The following LGSN variants were observed in gnomAD, a reference collection of about 807,000 sequenced individuals.
LGSN encodes the protein lengsin.
Under a neutral mutation model 19.5 loss-of-function variants are expected in LGSN, and 21 were observed. The observed-to-expected ratio is 1.07, with a 90% CI of 0.76 to 1.55. The LOEUF (loss-of-function observed/expected upper bound fraction) is 1.55. Ranked by LOEUF, LGSN falls within the 40% of genes most tolerant of loss-of-function variation. LGSN has a pLI of 0.00. For synonymous variants in LGSN, 257 were observed against 215.6 expected, an observed-to-expected ratio of 1.19 and a Z score of -1.68; for missense variants, 673 against 608.5, an observed-to-expected ratio of 1.11 and a Z score of -1.12.
At chr6:63,522,052 T>A in the LGSN span, among the ~76,000 whole-genome samples, 1 of 152,202 alleles carries the variant, frequency 6.6e-6, no homozygotes, top group African/African-American at 2.4e-5. Flanking sequence ...TCCCACAGGC[T>A]TTGCCAGATA....
chr6:63,433,697 C>T, the LGSN span, among the ~76,000 whole-genome samples: 2 of 152,240 alleles, frequency 1.3e-5, no homozygotes, highest in Non-Finnish European at 2.9e-5. Flanking sequence ...AAAACACTCT[C>T]TCTTCAAAGT....
the LGSN span, chr6:63,549,588 T>A: frequency 1.7e-6 from 1 of 600,302 alleles, no homozygotes; most frequent in South Asian, 2.1e-5. Context: ...AAAGAAAACC[T>A]TTATGTGATA....
the LGSN span, among the ~76,000 whole-genome samples, chr6:63,436,586 C>A: frequency 0.015 from 2,331 of 152,266 alleles, 17 homozygotes; most frequent in South Asian, 0.031. Context: ...CTTCATAGAA[C>A]CCTGCCTGTC....
the LGSN span, among the ~76,000 whole-genome samples, chr6:63,478,126 G>T: frequency 6.6e-6 from 1 of 152,226 alleles, no homozygotes; most frequent in South Asian, 2.1e-4. Context: ...ATACTGTAAA[G>T]ATTTATGGAG....
At chr6:63,478,900 C>T in the LGSN span, among the ~76,000 whole-genome samples, 1 of 152,210 alleles carries the variant, frequency 6.6e-6, no homozygotes, top group Non-Finnish European at 1.5e-5. Context: ...TCAGCTTATT[C>T]CAAGGTTTAC....
At chr6:63,369,958 G>A in the LGSN span, among the ~76,000 whole-genome samples, 1 of 152,050 alleles carries the variant, frequency 6.6e-6, no homozygotes, top group Middle Eastern at 3.4e-3. Context: ...GCCAAGATCA[G>A]GCCACTGCAC....
At chr6:63,454,430 A>T in the LGSN span, among the ~76,000 whole-genome samples, 1 of 150,758 alleles carries the variant, frequency 6.6e-6, no homozygotes, top group Non-Finnish European at 1.5e-5. Flanking sequence ...AACAGATAAG[A>T]GGCTTGAGGC....
chr6:63,427,960 A>G, the LGSN span, among the ~76,000 whole-genome samples: 1 of 152,304 alleles, frequency 6.6e-6, no homozygotes, highest in East Asian at 1.9e-4. Flanking sequence ...ATATCCCAGT[A>G]TTCAAAAAAA....
the LGSN span, among the ~76,000 whole-genome samples, chr6:63,385,508 A>G: frequency 6.6e-6 from 1 of 152,208 alleles, no homozygotes; most frequent in African/African-American, 2.4e-5. Context: ...AAGTTTAGCT[A>G]TTGACAAGCT....
the LGSN span, chr6:63,548,588 A>C: frequency 6.6e-6 from 2 of 301,048 alleles, no homozygotes; most frequent in African/African-American, 4.4e-5. Flanking sequence ...ACCAGGGTAC[A>C]TGGTAGAAAT....
At chr6:63,529,819 C>T in the LGSN span, among the ~76,000 whole-genome samples, 14 of 151,942 alleles carry the variant, frequency 9.2e-5, no homozygotes, top group Non-Finnish European at 1.8e-4. Context: ...AAAATACGTG[C>T]GTAAGAGGAA....
chr6:63,560,256 T>G, the LGSN span, among the ~76,000 whole-genome samples: 1 of 147,312 alleles, frequency 6.8e-6, no homozygotes, highest in Non-Finnish European at 1.5e-5. Flanking sequence ...GAGAATCACT[T>G]GAACCCAGGC....
chr6:63,289,888 C>T lies in LGSN; in HGVS notation c.164-4135G>A, dbSNP rs115094673. On this transcript the variant is annotated intron_variant, in intron 2 of 3. Coordinates refer to ENST00000370657, the MANE Select transcript of LGSN (RefSeq NM_016571.3). ...GTACCATGCTCTTTCAAGGTCCAGC[C>T]ATCTTTCATCATTGTGGCTATGGTG... Among the ~76,000 whole-genome samples, 1,394 of 152,204 alleles carry T rather than the reference C, an allele frequency of 9.2e-3. 9 individuals carry two copies. Among genetic ancestry groups the T allele is most frequent in the Non-Finnish European group, 0.014 (933 of 68,004 alleles).
At chr6:63,560,415 T>C in the LGSN span, among the ~76,000 whole-genome samples, 218 of 151,452 alleles carry the variant, frequency 1.4e-3, 2 homozygotes, top group Non-Finnish European at 7.4e-4. Flanking sequence ...TTTTTTTTTT[T>C]TCTTGAGACA....
the LGSN span, among the ~76,000 whole-genome samples, chr6:63,454,036 C>G: frequency 3.9e-5 from 6 of 152,172 alleles, no homozygotes; most frequent in Non-Finnish European, 1.5e-5. Flanking sequence ...AAAACTGATA[C>G]AGAGCATTCA....
chr6:63,332,460 G>A, the LGSN span, among the ~76,000 whole-genome samples: 1 of 152,114 alleles, frequency 6.6e-6, no homozygotes, highest in Non-Finnish European at 1.5e-5. Context: ...CCAACATGTT[G>A]TTGGGACCCC....
the LGSN span, among the ~76,000 whole-genome samples, chr6:63,554,258 G>A: frequency 1.3e-5 from 2 of 152,066 alleles, no homozygotes; most frequent in African/African-American, 4.8e-5. Context: ...TTCTTGTCAA[G>A]CTTCTTGTCT....
the LGSN span, among the ~76,000 whole-genome samples, chr6:63,454,638 A>G: frequency 6.6e-6 from 1 of 151,018 alleles, no homozygotes. Flanking sequence ...TCCCCGGCTA[A>G]TTTTTGTATT....
At chr6:63,412,579 G>A in the LGSN span, among the ~76,000 whole-genome samples, 788 of 119,476 alleles carry the variant, frequency 6.6e-3, 4 homozygotes, top group Middle Eastern at 0.024. Context: ...AGGAAGGAAG[G>A]AAAGAAAGAG....
Sources: allele counts gnomAD v4.1 joint callset (sites outside exome capture counted in the v4.1 genomes callset), GRCh38; gene constraint gnomAD v4.1.1; transcripts MANE v1.5; gene names NCBI Gene and HGNC (gene_info 2026-07-23, HGNC 2026-07-21).